Variants in CHRM3 observed in about 807,000 individuals in gnomAD.
CHRM3 encodes the protein cholinergic receptor muscarinic 3.
A neutral mutation model predicts 41.8 loss-of-function variants in CHRM3; 11 were observed. That is an observed-to-expected ratio of 0.26 (90% confidence interval 0.17 to 0.44). The LOEUF is 0.44. Among genes scored for constraint, CHRM3 ranks in the 20% least tolerant of loss-of-function variants. The pLI, the probability that CHRM3 is intolerant of heterozygous loss-of-function variation, is 1.00. For missense variants in CHRM3, 571 were observed against 745.4 expected (o/e 0.77, Z 2.72); for synonymous variants, 297 against 301.4 (o/e 0.99, Z 0.15).
At chr1:239,643,480 C>T (rs1671423887) in intron 4 of CHRM3, among the ~76,000 whole-genome samples, 1 of 152,188 alleles carries the variant, frequency 6.6e-6, no homozygotes, top group South Asian at 2.1e-4. Flanking sequence ...TGGTGGGCGC[C>T]CCTCCCCCAG....
intron 1 of CHRM3, among the ~76,000 whole-genome samples, chr1:239,407,068 T>C (rs1660648442): frequency 6.6e-6 from 1 of 152,208 alleles, no homozygotes; most frequent in Admixed American, 6.5e-5. Context: ...AACTTCCTGC[T>C]GTTTTCTTTT....
intron 3 of CHRM3, among the ~76,000 whole-genome samples, chr1:239,566,110 T>A (rs1220546928): frequency 2.0e-5 from 3 of 151,850 alleles, no homozygotes; most frequent in Non-Finnish European, 4.4e-5. Context: ...AGACAGGGCT[T>A]GCTATACTGC....
At chr1:239,803,411 G>C (rs1263982956) in intron 5 of CHRM3, among the ~76,000 whole-genome samples, 1 of 152,154 alleles carries the variant, frequency 6.6e-6, no homozygotes, top group Non-Finnish European at 1.5e-5. Context: ...TAAAAATGCA[G>C]GGCAAGTAGC....
At chr1:239,759,932 T>G (rs1666590110) in intron 5 of CHRM3, among the ~76,000 whole-genome samples, 1 of 152,162 alleles carries the variant, frequency 6.6e-6, no homozygotes, top group African/African-American at 2.4e-5. Flanking sequence ...TTATTTTTTT[T>G]GAGATGGAGT....
intron 5 of CHRM3, among the ~76,000 whole-genome samples, chr1:239,755,243 G>T (rs983712175): frequency 6.6e-6 from 1 of 152,126 alleles, no homozygotes; most frequent in Non-Finnish European, 1.5e-5. Flanking sequence ...CATTCTGAAA[G>T]GTTTTATTTA....
intron 1 of CHRM3, among the ~76,000 whole-genome samples, chr1:239,448,769 A>C (rs1007786462): frequency 6.6e-6 from 1 of 152,184 alleles, no homozygotes; most frequent in African/African-American, 2.4e-5. Context: ...AGCACCCATT[A>C]GTATTTTTTG....
chr1:239,494,111 G>A (rs1202346732), intron 2 of CHRM3, among the ~76,000 whole-genome samples: 1 of 152,124 alleles, frequency 6.6e-6, no homozygotes, highest in Non-Finnish European at 1.5e-5. Context: ...TTCAAATTGA[G>A]GGATGCATTA....
rs371847686 is a variant in CHRM3, at chr1:239,491,721, A to G, written c.-520-988A>G. Among the ~76,000 whole-genome samples the G allele has an allele frequency of 6.6e-5, 10 of 152,328 alleles. No individual in the cohort carries two copies. In the East Asian group the frequency reaches 9.7e-4, roughly 15 times the overall value. On this transcript the variant is annotated intron_variant, in intron 1 of 6. Coordinates refer to ENST00000676153, the MANE Select transcript of CHRM3 (RefSeq NM_001375978.1). ...TGGCCCATAGTGGGATTGCTGGATC[A>G]TATGGTAGTTCTATTTTTAGTTTTT...
At chr1:239,832,710 A>G (rs1179643503) in intron 6 of CHRM3, among the ~76,000 whole-genome samples, 1 of 152,062 alleles carries the variant, frequency 6.6e-6, no homozygotes, top group Admixed American at 6.6e-5. Context: ...ATACTTGTTT[A>G]TATACAGGAT....
chr1:239,621,776 A>G (rs1668385849), intron 3 of CHRM3, among the ~76,000 whole-genome samples: 1 of 152,200 alleles, frequency 6.6e-6, no homozygotes, highest in African/African-American at 2.4e-5. Context: ...AAAGCTGTCT[A>G]TATAATATAA....
At chr1:239,828,076 G>C (rs565829583) in intron 6 of CHRM3, among the ~76,000 whole-genome samples, 2 of 152,132 alleles carry the variant, frequency 1.3e-5, no homozygotes, top group Non-Finnish European at 2.9e-5. Context: ...CAATGGTGAA[G>C]TAAACACAGC....
chr1:239,520,963 G>T (rs111599671), intron 2 of CHRM3, among the ~76,000 whole-genome samples: 2,504 of 151,852 alleles, frequency 0.016, 38 homozygotes, highest in South Asian at 0.043. Context: ...TAATTATAGA[G>T]CACAGAAAAA....
At chr1:239,591,300 T>C (rs1243746750) in intron 3 of CHRM3, among the ~76,000 whole-genome samples, 1 of 152,128 alleles carries the variant, frequency 6.6e-6, no homozygotes. Context: ...GTGTTGGTAA[T>C]CTAGCCTCCA....
rs115522151 is a variant in CHRM3 at position 239,600,074 on chromosome 1, C to T, written c.-312-32150C>T. Among the ~76,000 whole-genome samples, 383 of 152,238 alleles carry T rather than the reference C, an allele frequency of 2.5e-3. 2 individuals are homozygous for T. Among genetic ancestry groups the T allele is most frequent in the African/African-American group, 8.6e-3 (358 of 41,514 alleles). Reference sequence around the variant, plus strand: ...AAAGCAGTGCCACCCATCACCAAAACCAAAAATCTCAGTCAACTGTGAATG... The same window carrying T: ...AAAGCAGTGCCACCCATCACCAAAATCAAAAATCTCAGTCAACTGTGAATG... On this transcript the variant is annotated intron_variant, in intron 3 of 6. Coordinates refer to ENST00000676153, the MANE Select transcript of CHRM3 (RefSeq NM_001375978.1).
intron 5 of CHRM3, among the ~76,000 whole-genome samples, chr1:239,813,056 G>A (rs1671239480): frequency 6.6e-6 from 1 of 152,198 alleles, no homozygotes; most frequent in African/African-American, 2.4e-5. Context: ...AAGGCAGGCA[G>A]ATCACAAGAT....
chr1:239,440,364 T>C lies in CHRM3; in HGVS notation c.-520-52345T>C, dbSNP rs888865304. ...GAGGCCAGGTGCAGTGGCTCATGCC[T>C]ATAATCCCAGCCCTTTGGGTGGCTG... On this transcript the variant is annotated intron_variant, in intron 1 of 6. Transcript: ENST00000676153. Among the ~76,000 whole-genome samples the C allele has an allele frequency of 6.6e-5, 10 of 152,296 alleles. No individual in the cohort carries two copies. The South Asian group carries it at 1.9e-3, about 28-fold the overall frequency.
At chr1:239,837,612 A>G (rs768363120) in intron 6 of CHRM3, among the ~76,000 whole-genome samples, 12 of 152,238 alleles carry the variant, frequency 7.9e-5, no homozygotes, top group Non-Finnish European at 1.3e-4. Context: ...CAGTAAGCAC[A>G]GCCTAATAGT....
intron 5 of CHRM3, among the ~76,000 whole-genome samples, chr1:239,774,816 G>A (rs552166533): frequency 2.0e-5 from 3 of 152,112 alleles, no homozygotes; most frequent in African/African-American, 4.8e-5. Context: ...CAGAGGAAAG[G>A]ACATTGTTTA....
chr1:239,558,705 A>C (rs951069776), intron 3 of CHRM3, among the ~76,000 whole-genome samples: 6 of 152,170 alleles, frequency 3.9e-5, no homozygotes, highest in Admixed American at 2.0e-4. Flanking sequence ...CTCTTTTCCT[A>C]GAATGCCTTT....
Sources: gnomAD v4.1 joint callset for allele counts (sites outside exome capture counted in the v4.1 genomes callset) on GRCh38, gnomAD v4.1.1 for gene constraint, MANE v1.5 for transcripts, NCBI Gene and HGNC (gene_info 2026-07-23, HGNC 2026-07-21) for gene names.